GRIA1: variants seen among roughly 807,000 people sequenced by gnomAD.
GRIA1 encodes glutamate ionotropic receptor AMPA type subunit 1.
Under a neutral mutation model 99.2 loss-of-function variants are expected in GRIA1, and 31 were observed. The observed-to-expected ratio is 0.31, with a 90% CI of 0.23 to 0.42. GRIA1 has a LOEUF of 0.42. GRIA1 is among the 10% of genes least tolerant of loss of function. GRIA1 has a pLI of 1.00. For synonymous variants in GRIA1, 438 were observed against 432.4 expected, an observed-to-expected ratio of 1.01 and a Z score of -0.16; for missense variants, 782 against 1,157.5, an observed-to-expected ratio of 0.68 and a Z score of 4.71.
At chr5:153,650,896 TAAAAAAAAAA>T (rs71575151) in intron 4 of GRIA1, among the ~76,000 whole-genome samples, 1 of 70,146 alleles carries the variant, frequency 1.4e-5, no homozygotes, top group Middle Eastern at 0.01. Flanking sequence ...CTGTCTCCAC[TAAAAAAAAAA>T]AAAAAAAAAA....
intron 11 of GRIA1, among the ~76,000 whole-genome samples, chr5:153,749,528 G>C (rs1398443538): frequency 1.3e-5 from 2 of 152,158 alleles, no homozygotes; most frequent in Non-Finnish European, 2.9e-5. Context: ...GAGAGAGAGG[G>C]AGAAAGAGAG....
At chr5:153,614,228 T>A (rs2149413391) in intron 2 of GRIA1, among the ~76,000 whole-genome samples, 1 of 152,336 alleles carries the variant, frequency 6.6e-6, no homozygotes, top group South Asian at 2.1e-4. Context: ...GGGTATTTAG[T>A]TGTTTAATGT....
chr5:153,754,545 AG>A (rs764394818), intron 11 of GRIA1, among the ~76,000 whole-genome samples: 31 of 152,312 alleles, frequency 2.0e-4, no homozygotes, highest in Admixed American at 7.8e-4. Context: ...TTTTGTGGGA[AG>A]GCTTTGGGCT....
intron 11 of GRIA1, among the ~76,000 whole-genome samples, chr5:153,755,199 T>G: frequency 6.6e-6 from 1 of 152,150 alleles, no homozygotes; most frequent in East Asian, 1.9e-4. Flanking sequence ...ATTCCAAGTG[T>G]TAAGAGAAAA....
At chr5:153,600,285 G>C (rs1462901635) in intron 2 of GRIA1, among the ~76,000 whole-genome samples, 1 of 151,392 alleles carries the variant, frequency 6.6e-6, no homozygotes, top group Non-Finnish European at 1.5e-5. Context: ...CCAGATACTC[G>C]GGAGGCTGAG....
chr5:153,602,703 C>A (rs1765089647), intron 2 of GRIA1, among the ~76,000 whole-genome samples: 1 of 152,130 alleles, frequency 6.6e-6, no homozygotes, highest in African/African-American at 2.4e-5. Context: ...CACTTTACCC[C>A]AGTACCTCCT....
intron 3 of GRIA1, 42 bp downstream of exon 3, chr5:153,647,209 G>A: frequency 6.3e-7 from 1 of 1,599,388 alleles, no homozygotes; most frequent in Non-Finnish European, 8.5e-7. Context: ...GAGGGATGGA[G>A]AGAAAATTAC....
chr5:153,739,218 C>T (rs545909277), intron 11 of GRIA1, among the ~76,000 whole-genome samples: 1 of 152,262 alleles, frequency 6.6e-6, no homozygotes, highest in Non-Finnish European at 1.5e-5. Context: ...CACCAAGGAT[C>T]TCATTGTATC....
intron 14 of GRIA1, among the ~76,000 whole-genome samples, chr5:153,798,869 T>C (rs191072550): frequency 6.6e-6 from 1 of 152,116 alleles, no homozygotes; most frequent in African/African-American, 2.4e-5. Context: ...AAATCTCCTT[T>C]CCATATGAGG....
intron 2 of GRIA1, among the ~76,000 whole-genome samples, chr5:153,623,397 C>T (rs774575428): frequency 1.1e-4 from 16 of 152,120 alleles, no homozygotes; most frequent in Non-Finnish European, 2.1e-4. Context: ...CTTCAAGGAA[C>T]CTTAGAGCTC....
At chr5:153,745,168 C>A (rs1427013131) in intron 11 of GRIA1, among the ~76,000 whole-genome samples, 1 of 152,168 alleles carries the variant, frequency 6.6e-6, no homozygotes, top group Non-Finnish European at 1.5e-5. Flanking sequence ...CTAGATTATT[C>A]TCAACCTTCG....
intron 2 of GRIA1, among the ~76,000 whole-genome samples, chr5:153,582,464 A>G (rs1763125718): frequency 6.6e-6 from 1 of 152,142 alleles, no homozygotes; most frequent in South Asian, 2.1e-4. Context: ...CCTTTTAATT[A>G]GCTTAGTTTG....
At chr5:153,623,640 A>G (rs1767285040) in intron 2 of GRIA1, among the ~76,000 whole-genome samples, 2 of 152,206 alleles carry the variant, frequency 1.3e-5, no homozygotes, top group Non-Finnish European at 2.9e-5. Flanking sequence ...ATCAACATGG[A>G]CGGCGTTAAT....
At chr5:153,595,350 AC>A (rs1345446706) in intron 2 of GRIA1, among the ~76,000 whole-genome samples, 1 of 152,202 alleles carries the variant, frequency 6.6e-6, no homozygotes, top group East Asian at 1.9e-4. Context: ...TTAAAATCTT[AC>A]ATTAGTGTGG....
chr5:153,741,187 G>A (rs1761759465), intron 11 of GRIA1, among the ~76,000 whole-genome samples: 1 of 151,954 alleles, frequency 6.6e-6, no homozygotes. Context: ...TGTTAGCCAG[G>A]ATGGACTCGA....
At position 153,751,478 on chromosome 5, in the gene GRIA1, A is replaced by T. The variant is rs140964756; in HGVS notation, c.1824-12956A>T. On this transcript the variant is annotated intron_variant, in intron 11 of 15. Coordinates refer to ENST00000285900, the MANE Select transcript of GRIA1 (RefSeq NM_000827.4). ...CAGCCTGCCGCCTGTTTTGGCATTC[A>T]AGTGTTACTGGAACACAGCCATGCA... Among the ~76,000 whole-genome samples the T allele has an allele frequency of 2.9e-3, 442 of 152,356 alleles. 3 individuals carry two copies. The highest frequency in any genetic ancestry group is 6.8e-3 in the Middle Eastern group (2 of 294).
At chr5:153,694,567 A>G (rs1757970788) in intron 8 of GRIA1, among the ~76,000 whole-genome samples, 1 of 152,234 alleles carries the variant, frequency 6.6e-6, no homozygotes, top group South Asian at 2.1e-4. Context: ...TAACTAATGT[A>G]GTTCTCATAG....
chr5:153,509,027 G>T lies in GRIA1; in HGVS notation c.220+14962G>T, dbSNP rs1581149160. ...TATTTAAAGCTTCTGCTCATGTCAT[G>T]TTCTCTAATATTCCATTGGTTCAAG... On this transcript the variant is annotated intron_variant, in intron 2 of 15. Coordinates refer to ENST00000285900, the MANE Select transcript of GRIA1 (RefSeq NM_000827.4). Among the ~76,000 whole-genome samples the T allele has an allele frequency of 5.3e-5, 8 of 152,320 alleles. 1 individual carries two copies. The highest frequency in any genetic ancestry group is 5.2e-4 in the Admixed American group (8 of 15,302).
At chr5:153,527,109 C>A (rs751708565) in intron 2 of GRIA1, among the ~76,000 whole-genome samples, 1 of 152,140 alleles carries the variant, frequency 6.6e-6, no homozygotes, top group African/African-American at 2.4e-5. Flanking sequence ...TGCCATATGC[C>A]TTCGTGATGC....
Sources: allele counts gnomAD v4.1 joint callset (sites outside exome capture counted in the v4.1 genomes callset), GRCh38; gene constraint gnomAD v4.1.1; transcripts MANE v1.5; gene names NCBI Gene and HGNC (gene_info 2026-07-23, HGNC 2026-07-21).